SEMA3A: variants seen among roughly 807,000 people sequenced by gnomAD.
SEMA3A encodes semaphorin 3A.
A neutral mutation model predicts 97.9 loss-of-function variants in SEMA3A; 29 were observed. The ratio of observed to expected loss-of-function variants is 0.30; its 90% CI spans 0.22 to 0.40. The LOEUF (loss-of-function observed/expected upper bound fraction) is 0.40, where lower values mean the gene tolerates loss of function less well. Ranked by LOEUF, SEMA3A falls within the 10% of genes least tolerant of loss-of-function variation. The pLI is 1.00. For missense variants in SEMA3A, 763 were observed against 951.3 expected (o/e 0.80, Z 2.60); for synonymous variants, 321 against 323.7 (o/e 0.99, Z 0.09).
At chr7:84,377,348 T>C (rs755073331) in intron 1 of SEMA3A, among the ~76,000 whole-genome samples, 9 of 152,102 alleles carry the variant, frequency 5.9e-5, no homozygotes, top group Non-Finnish European at 1.0e-4. Flanking sequence ...ATAGAATAAT[T>C]TCTCAAATAA....
chr7:84,108,731 C>T (rs1795188064), intron 4 of SEMA3A, among the ~76,000 whole-genome samples: 1 of 151,956 alleles, frequency 6.6e-6, no homozygotes, highest in South Asian at 2.1e-4. Flanking sequence ...ATGGTGAAAC[C>T]CTGTCTCTAC....
At chr7:84,129,706 T>A (rs1288442040) in intron 2 of SEMA3A, among the ~76,000 whole-genome samples, 3 of 151,862 alleles carry the variant, frequency 2.0e-5, no homozygotes, top group Non-Finnish European at 4.4e-5. Flanking sequence ...GAAACTTCTC[T>A]TTTTTCTCCT....
chr7:84,190,579 A>T (rs1429277707), intron 1 of SEMA3A, among the ~76,000 whole-genome samples: 2 of 151,200 alleles, frequency 1.3e-5, no homozygotes, highest in Non-Finnish European at 3.0e-5. Context: ...TCCTAAAAAC[A>T]TTCCATTTTA....
At chr7:84,157,321 C>T (rs557532423) in intron 1 of SEMA3A, among the ~76,000 whole-genome samples, 2 of 152,204 alleles carry the variant, frequency 1.3e-5, no homozygotes, top group South Asian at 4.1e-4. Context: ...ATGACTACAT[C>T]CTTTGAAATA....
chr7:84,074,923 G>A (rs895829955), intron 4 of SEMA3A, among the ~76,000 whole-genome samples: 2 of 151,694 alleles, frequency 1.3e-5, no homozygotes, highest in East Asian at 1.9e-4. Context: ...CCTATTTAAT[G>A]GTAAAATTAT....
At chr7:84,424,948 T>G (rs1436723984) in intron 1 of SEMA3A, among the ~76,000 whole-genome samples, 1 of 95,592 alleles carries the variant, frequency 1.0e-5, no homozygotes, top group Non-Finnish European at 1.7e-5. Flanking sequence ...AATATATATT[T>G]ATAATTATAT....
chr7:84,215,161 G>C (rs550399208), intron 3 of SEMA3A, among the ~76,000 whole-genome samples: 1 of 151,434 alleles, frequency 6.6e-6, no homozygotes, highest in East Asian at 2.0e-4. Context: ...GTGAGCCACC[G>C]CGCCTGGCCC....
intron 4 of SEMA3A, among the ~76,000 whole-genome samples, chr7:84,061,823 G>A (rs1473791682): frequency 2.0e-5 from 3 of 152,054 alleles, no homozygotes. Context: ...TTCTTTCTTT[G>A]CATTTATTCT....
chr7:84,361,940 T>A (rs621903), intron 2 of SEMA3A, among the ~76,000 whole-genome samples: 43,888 of 151,800 alleles, frequency 0.29, 6,851 homozygotes, highest in African/African-American at 0.39. Context: ...TGATAGTTTT[T>A]TGAATTCTTG....
chr7:84,368,078 C>A (rs940351921), intron 2 of SEMA3A, among the ~76,000 whole-genome samples: 2 of 151,010 alleles, frequency 1.3e-5, no homozygotes, highest in Admixed American at 6.6e-5. Flanking sequence ...GTTATAGGTG[C>A]TATAGAAATT....
intron 3 of SEMA3A, among the ~76,000 whole-genome samples, chr7:84,272,808 T>C (rs932973892): frequency 6.6e-6 from 1 of 152,104 alleles, no homozygotes; most frequent in African/African-American, 2.4e-5. Flanking sequence ...TTTAGGGACT[T>C]TTCTATTTTT....
chr7:84,294,252 G>A (rs747683381), intron 3 of SEMA3A, among the ~76,000 whole-genome samples: 11 of 151,806 alleles, frequency 7.2e-5, no homozygotes, highest in Non-Finnish European at 1.0e-4. Flanking sequence ...AGCCATGAGC[G>A]TGCCTACTTC....
intron 3 of SEMA3A, among the ~76,000 whole-genome samples, chr7:84,298,684 A>G (rs931162879): frequency 6.6e-6 from 1 of 152,168 alleles, no homozygotes; most frequent in Non-Finnish European, 1.5e-5. Context: ...ACTAAAAAGC[A>G]CTGAAGAACT....
intron 1 of SEMA3A, among the ~76,000 whole-genome samples, chr7:84,438,905 T>C (rs1223269850): frequency 6.6e-6 from 1 of 152,128 alleles, no homozygotes; most frequent in Non-Finnish European, 1.5e-5. Flanking sequence ...TTATTTCAGT[T>C]AATTACTTTT....
chr7:83,978,174 T>TGAA (rs1353752036), intron 14 of SEMA3A, among the ~76,000 whole-genome samples: 1 of 152,026 alleles, frequency 6.6e-6, no homozygotes, highest in Non-Finnish European at 1.5e-5. Flanking sequence ...AATTTACCTG[T>TGAA]GAAGTGAATA....
intron 1 of SEMA3A, among the ~76,000 whole-genome samples, chr7:84,487,317 G>A (rs1664489777): frequency 6.6e-6 from 1 of 152,028 alleles, no homozygotes; most frequent in Admixed American, 6.6e-5. Flanking sequence ...TGATTGTTGT[G>A]ACTGCTGGCT....
intron 3 of SEMA3A, among the ~76,000 whole-genome samples, chr7:84,229,047 C>A (rs1311589851): frequency 2.0e-5 from 3 of 151,960 alleles, no homozygotes; most frequent in African/African-American, 7.2e-5. Flanking sequence ...TTCATATCTC[C>A]TTTTTGGTTT....
intron 15 of SEMA3A, among the ~76,000 whole-genome samples, chr7:83,966,717 CTTTTTTTTTTT>C (rs1562944310): frequency 6.8e-6 from 1 of 147,538 alleles, no homozygotes; most frequent in East Asian, 2.0e-4. Context: ...AATTTTTTTT[CTTTTTTTTTTT>C]GAGACGGAGT....
chr7:84,084,814 G>A (rs1411531296), intron 4 of SEMA3A, among the ~76,000 whole-genome samples: 1 of 152,078 alleles, frequency 6.6e-6, no homozygotes. Flanking sequence ...CCTGGAATTT[G>A]ACCTTAATTT....
Sources: allele counts gnomAD v4.1 joint callset (sites outside exome capture counted in the v4.1 genomes callset), GRCh38; gene constraint gnomAD v4.1.1; transcripts MANE v1.5; gene names NCBI Gene and HGNC (gene_info 2026-07-23, HGNC 2026-07-21).